ATP13A3: variants seen among roughly 807,000 people sequenced by gnomAD.
ATP13A3 encodes polyamine-transporting ATPase 13A3.
ATP13A3 carries 59 observed loss-of-function variants against 158.1 expected under a neutral mutation model. The observed-to-expected ratio is 0.37, with a 90% CI of 0.30 to 0.46. The LOEUF is 0.46. ATP13A3 is among the 20% of genes least tolerant of loss of function. The pLI is 1.00. For missense variants in ATP13A3, 1,166 were observed against 1,525.2 expected, an observed-to-expected ratio of 0.76 and a Z score of 3.92; for synonymous variants, 491 against 504.3, an observed-to-expected ratio of 0.97 and a Z score of 0.35.
intron 30 of ATP13A3, chr3:194,424,343 T>C (rs1397466876): frequency 6.6e-6 from 1 of 151,718 alleles, no homozygotes; most frequent in East Asian, 1.9e-4. Context: ...GAAACATCAG[T>C]TCCAAAAAGG....
At chr3:194,423,822 T>C (rs2108784450) in intron 30 of ATP13A3, among the ~76,000 whole-genome samples, 1 of 152,264 alleles carries the variant, frequency 6.6e-6, no homozygotes, top group Non-Finnish European at 1.5e-5. Flanking sequence ...AGGCAACTAA[T>C]ATTCTCCCTT....
At chr3:194,444,133 G>A (rs954739440) in intron 15 of ATP13A3, among the ~76,000 whole-genome samples, 2 of 152,270 alleles carry the variant, frequency 1.3e-5, no homozygotes, top group African/African-American at 4.8e-5. Context: ...AGCTGAAGCC[G>A]TGCCCATGCT....
intron 2 of ATP13A3, among the ~76,000 whole-genome samples, chr3:194,473,397 CAA>C (rs1230796140): frequency 6.6e-6 from 1 of 150,712 alleles, no homozygotes; most frequent in Non-Finnish European, 1.5e-5. Context: ...AGAACAATAA[CAA>C]AGAGCAAATG....
intron 32 of ATP13A3, 107 bp from the exon 33 acceptor site, chr3:194,412,395 A>G (rs1715509913): frequency 7.2e-6 from 6 of 831,872 alleles, no homozygotes; most frequent in Non-Finnish European, 9.6e-6. Flanking sequence ...TGAAAAGGAT[A>G]TTTTGATTTT....
At chr3:194,478,753 G>A (rs1477955422) in intron 2 of ATP13A3, among the ~76,000 whole-genome samples, 1 of 152,198 alleles carries the variant, frequency 6.6e-6, no homozygotes, top group Non-Finnish European at 1.5e-5. Flanking sequence ...CCATATTCCT[G>A]AAGAATACAA....
intron 2 of ATP13A3, among the ~76,000 whole-genome samples, chr3:194,474,837 G>A (rs1720455825): frequency 6.6e-6 from 1 of 152,162 alleles, no homozygotes; most frequent in Non-Finnish European, 1.5e-5. Context: ...CTGCTGTGAT[G>A]CGGTGCTCAC....
chr3:194,405,939 G>A lies in ATP13A3; in HGVS notation c.3751C>T (p.Gln1251Ter). The A allele has an allele frequency of 6.2e-7, 1 of 1,614,004 alleles. No homozygotes were observed. ...CACTGCTATGTTATGGTGATGATTT[G>A]ACATGATCCATTCTCCTTAACTAAA... The part of the protein sequence containing the change: ...KALVKENGSC[Q>*]IITIT Residue 1251 changes from glutamine to a stop codon, truncating the protein, a stop_gained, in exon 34 of 34, where the codon CAA becomes TAA. Transcript: ENST00000645319. LOFTEE classifies it high-confidence loss of function.
At chr3:194,430,031 G>T in intron 26 of ATP13A3, 41 bp downstream of exon 26, 2 of 1,502,738 alleles carry the variant, frequency 1.3e-6, no homozygotes, top group Middle Eastern at 1.7e-4. Flanking sequence ...TATTATCAGA[G>T]ACAGAGAAAA....
At chr3:194,453,280 TAAAAAAA>T (rs35230118) in intron 10 of ATP13A3, among the ~76,000 whole-genome samples, 1 of 100,950 alleles carries the variant, frequency 9.9e-6, no homozygotes, top group African/African-American at 3.7e-5. Context: ...ACATCGACTT[TAAAAAAA>T]AAAAAAAAAA....
In ATP13A3 at chr3:194,405,069, CAG is replaced by C. The variant is rs1225942848; in HGVS notation, c.*848_*849del. ...CCATTTAAAATAACACAAAGCCTGA[CAG>C]AAACAAATTTGAAGAAACGTTAAAA... is the stretch of plus-strand genomic sequence containing the variant. On this transcript the variant is annotated 3_prime_UTR_variant, in exon 34 of 34. Transcript: ENST00000645319. 6.6e-6 allele frequency: 1 copy of C among 152,078 alleles called. No individual in the cohort carries two copies. The highest frequency in any genetic ancestry group is 1.5e-5 in the Non-Finnish European group (1 of 68,010). The allele number at this position is 152,078 out of a possible 1,614,324, so 9.4% of individuals were successfully genotyped here.
chr3:194,419,273 CAG>C (rs568370894), intron 31 of ATP13A3, among the ~76,000 whole-genome samples: 118 of 152,202 alleles, frequency 7.8e-4, no homozygotes, highest in African/African-American at 2.6e-3. Context: ...TATAATGAAA[CAG>C]GGAATGACAG....
intron 22 of ATP13A3, 141 bp downstream of exon 22, chr3:194,431,576 C>T (rs1163894156): frequency 1.8e-5 from 16 of 873,806 alleles, no homozygotes; most frequent in Middle Eastern, 5.7e-4. Context: ...CCTAATGAAA[C>T]ATAATCTCTG....
Position 194,471,995 on chromosome 3 carries a change from T to C in ATP13A3, c.-46-9759A>G, listed in dbSNP as rs907316925. The C allele has an allele frequency of 4.6e-5, 7 of 152,764 alleles. 1 individual carries two copies. Among genetic ancestry groups the C allele is most frequent in the Non-Finnish European group, 7.3e-5 (5 of 68,158 alleles). 9.5% of individuals were successfully genotyped at this position (152,764 alleles called of 1,614,324 possible). Reference sequence around the variant, plus strand: ...GGCCAAGATTCAGAGTAAAAAAGTATGCCCCCTGACCAGAAGAGGCTCACT... The same window carrying C: ...GGCCAAGATTCAGAGTAAAAAAGTACGCCCCCTGACCAGAAGAGGCTCACT... On this transcript the variant is annotated intron_variant, in intron 2 of 33. Transcript: ENST00000645319.
At chr3:194,449,267 A>C (rs1718631663) in intron 11 of ATP13A3, among the ~76,000 whole-genome samples, 1 of 152,172 alleles carries the variant, frequency 6.6e-6, no homozygotes, top group South Asian at 2.1e-4. Context: ...GTTTTAAGAT[A>C]CGAGATATGT....
intron 2 of ATP13A3, among the ~76,000 whole-genome samples, chr3:194,477,144 T>C (rs1453211258): frequency 6.6e-6 from 1 of 152,196 alleles, no homozygotes; most frequent in Non-Finnish European, 1.5e-5. Context: ...TGCCCTTCTC[T>C]TAGTCTGGCT....
intron 2 of ATP13A3, among the ~76,000 whole-genome samples, chr3:194,462,907 G>A (rs1234718452): frequency 1.3e-5 from 2 of 152,202 alleles, no homozygotes; most frequent in African/African-American, 4.8e-5. Context: ...TTTATATTGA[G>A]AGGAACTACT....
In ATP13A3 at chr3:194,431,698, C is replaced by G. The variant is rs1717234302; in HGVS notation, c.2421+19G>C. The G allele has an allele frequency of 6.7e-7, 1 of 1,503,094 alleles. No homozygotes were observed. Among genetic ancestry groups the G allele is most frequent in the Non-Finnish European group, 8.9e-7 (1 of 1,125,454 alleles). The allele number at this position is 1,503,094 out of a possible 1,614,324, so 93.1% of individuals were successfully genotyped here. ...TTAAATCAACAAACTTTAAAACGGA[C>G]AGTCGATCTTGACCTTACCTCTGGG... On this transcript the variant is annotated intron_variant, in intron 22 of 33. Coordinates refer to ENST00000645319, the MANE Select transcript of ATP13A3 (RefSeq NM_001367549.1).
At chr3:194,460,865 CA>C (rs1719605778) in intron 3 of ATP13A3, 34 bp from the exon 4 acceptor site, 1 of 1,581,668 alleles carries the variant, frequency 6.3e-7, no homozygotes, top group African/African-American at 1.4e-5. Context: ...GATTAATTAT[CA>C]AATGATAAAA....
chr3:194,467,725 A>G (rs2109005622), intron 2 of ATP13A3, among the ~76,000 whole-genome samples: 1 of 152,216 alleles, frequency 6.6e-6, no homozygotes, highest in East Asian at 1.9e-4. Flanking sequence ...CATAAGTAAA[A>G]GCCCTGATTA....
Sources: allele counts gnomAD v4.1 joint callset (sites outside exome capture counted in the v4.1 genomes callset), GRCh38; gene constraint gnomAD v4.1.1; transcripts MANE v1.5; gene names NCBI Gene and HGNC (gene_info 2026-07-23, HGNC 2026-07-21).